SELENOI: variants seen among roughly 807,000 people sequenced by gnomAD.
SELENOI encodes selenoprotein I, also known as ethanolaminephosphotransferase 1.
A neutral mutation model predicts 50.7 loss-of-function variants in SELENOI; 24 were observed. The observed-to-expected ratio is 0.47, with a 90% CI of 0.34 to 0.67. SELENOI has a LOEUF of 0.67. SELENOI is among the 30% of genes least tolerant of loss of function. SELENOI has a pLI of 0.01. For missense variants in SELENOI, 352 were observed against 461.4 expected (o/e 0.76, Z 2.17); for synonymous variants, 155 against 170.2 (o/e 0.91, Z 0.70).
At chr2:26,385,233 AT>A in intron 8 of SELENOI, 94 bp downstream of exon 8, 1 of 738,758 alleles carries the variant, frequency 1.4e-6, no homozygotes, top group Non-Finnish European at 1.9e-6. Context: ...GAATAAACAG[AT>A]TTTAACTTAA....
intron 7 of SELENOI, 23 bp from the exon 8 acceptor site, chr2:26,384,936 T>C (rs1677807116): frequency 6.4e-7 from 1 of 1,554,382 alleles, no homozygotes; most frequent in Non-Finnish European, 8.8e-7. Context: ...ATGTTCTTTA[T>C]ATTACTTGAT....
intron 1 of SELENOI, among the ~76,000 whole-genome samples, chr2:26,357,394 C>CT (rs1558412038): frequency 6.6e-6 from 1 of 152,174 alleles, no homozygotes; most frequent in African/African-American, 2.4e-5. Flanking sequence ...TTGTTCTCTT[C>CT]TTTTTTGGGA....
rs1418254949 is a variant in SELENOI at position 26,369,916 on chromosome 2, G to C, written c.310+2696G>C. ...GGGTGTTTCTCACAGAGGGGGATTT[G>C]GCAGGGTCATAGAACAATAGTGGAG... On this transcript the variant is annotated intron_variant, in intron 4 of 9. Transcript: ENST00000260585. 3.3e-5 allele frequency among the ~76,000 whole-genome samples: 5 copies of C among 151,508 alleles called. No homozygotes were observed. The East Asian group carries it at 7.7e-4, about 23-fold the overall frequency.
rs1181023258 is a variant in SELENOI, at chr2:26,370,808, G to T, written c.311-2559G>T. ...CAGAGGGGCTCCTCACCTCCCGGAC[G>T]GGGCGGCTGGCCGGGCGGGGGGCTG... On this transcript the variant is annotated intron_variant, in intron 4 of 9. Transcript: ENST00000260585. 2.2e-5 allele frequency among the ~76,000 whole-genome samples: 3 copies of T among 137,450 alleles called. No homozygotes were observed. In the South Asian group the frequency reaches 7.0e-4, roughly 32 times the overall value. The allele number at this position is 137,450 out of a possible 152,430, so 90.2% of individuals were successfully genotyped here.
intron 1 of SELENOI, among the ~76,000 whole-genome samples, chr2:26,354,186 A>T (rs1677016819): frequency 6.6e-6 from 1 of 152,072 alleles, no homozygotes; most frequent in Non-Finnish European, 1.5e-5. Context: ...TCTGAGAAAG[A>T]GGTACTATTT....
chr2:26,367,018 T>G (rs1677298395), intron 3 of SELENOI, 128 bp from the exon 4 acceptor site: 1 of 754,944 alleles, frequency 1.3e-6, no homozygotes, highest in Non-Finnish European at 1.9e-6. Context: ...AATTCTGGAT[T>G]CAAAATATAT....
chr2:26,355,614 G>T (rs960446899), intron 1 of SELENOI, among the ~76,000 whole-genome samples: 1 of 151,526 alleles, frequency 6.6e-6, no homozygotes. Context: ...TAATTCTCCA[G>T]TCTCCTATTG....
rs556322392 is a variant in SELENOI at position 26,367,136 on chromosome 2, T to A, written c.236-10T>A. 6 of 1,604,980 alleles carry A rather than the reference T, an allele frequency of 3.7e-6. No homozygotes were observed. Among genetic ancestry groups the A allele is most frequent in the Non-Finnish European group, 3.4e-6 (4 of 1,175,396 alleles). On this transcript the variant is annotated splice_polypyrimidine_tract_variant and intron_variant, in intron 3 of 9. Coordinates refer to ENST00000260585, the MANE Select transcript of SELENOI (RefSeq NM_033505.4). ...AACTGTATTAAAATCTTAGTTGCTT[T>A]CCTTTTCAGCACCAGGTCACAAGCA...
chr2:26,352,933 T>A (rs774842344), intron 1 of SELENOI, among the ~76,000 whole-genome samples: 2 of 152,014 alleles, frequency 1.3e-5, no homozygotes, highest in Non-Finnish European at 2.9e-5. Flanking sequence ...GTGCTTGCCC[T>A]CTTTTTATTT....
chr2:26,371,501 A>C lies in SELENOI; in HGVS notation c.311-1866A>C, dbSNP rs552997318. Among the ~76,000 whole-genome samples, 3 of 152,312 alleles carry C rather than the reference A, an allele frequency of 2.0e-5. No individual in the cohort carries two copies. The South Asian group carries it at 6.2e-4, about 32-fold the overall frequency. On this transcript the variant is annotated intron_variant, in intron 4 of 9. Transcript: ENST00000260585. The stretch of plus-strand genomic sequence containing the variant: ...TGCAATCTTGGCACTTTGGGAGGCC[A>C]AGGCAGGCGGCTGGGAGGTGGAGGT...
chr2:26,350,489 G>T (rs1170140483), intron 1 of SELENOI, among the ~76,000 whole-genome samples: 1 of 152,084 alleles, frequency 6.6e-6, no homozygotes, highest in African/African-American at 2.4e-5. Flanking sequence ...AAAGTGCTGG[G>T]ATTATAGGCA....
At chr2:26,367,525 C>T (rs562927848) in intron 4 of SELENOI, among the ~76,000 whole-genome samples, 3 of 152,266 alleles carry the variant, frequency 2.0e-5, no homozygotes, top group South Asian at 2.1e-4. Context: ...TATATATTGT[C>T]TATGGCTGTT....
intron 1 of SELENOI, among the ~76,000 whole-genome samples, chr2:26,360,942 C>T (rs970648365): frequency 3.9e-5 from 6 of 152,122 alleles, no homozygotes; most frequent in Non-Finnish European, 5.9e-5. Flanking sequence ...CTGGCCGGCA[C>T]GGTGGCTTAC....
chr2:26,354,273 T>G (rs1456931138), intron 1 of SELENOI, among the ~76,000 whole-genome samples: 1 of 152,148 alleles, frequency 6.6e-6, no homozygotes, highest in Non-Finnish European at 1.5e-5. Context: ...GGAGCTGAGA[T>G]TTGAACTCAG....
intron 4 of SELENOI, among the ~76,000 whole-genome samples, chr2:26,370,488 C>T (rs1677394269): frequency 6.7e-6 from 1 of 149,574 alleles, no homozygotes; most frequent in African/African-American, 2.5e-5. Flanking sequence ...GGGCGGGGGG[C>T]TGACCCCCCC....
intron 4 of SELENOI, among the ~76,000 whole-genome samples, chr2:26,369,585 C>A (rs1033513970): frequency 6.6e-6 from 1 of 152,150 alleles, no homozygotes; most frequent in Non-Finnish European, 1.5e-5. Flanking sequence ...TGCATTTCAT[C>A]TCAGGCCTAC....
At position 26,386,922 on chromosome 2, in the gene SELENOI, G is replaced by A. The variant is rs188892172; in HGVS notation, c.1095+386G>A. Reference sequence around the variant, plus strand: ...CTTCACTTGCTTCTTTAGCTTTAGGGGCATTTTTATTGTTCATTAACAAAA... The same window carrying A: ...CTTCACTTGCTTCTTTAGCTTTAGGAGCATTTTTATTGTTCATTAACAAAA... On this transcript the variant is annotated intron_variant, in intron 9 of 9. Coordinates refer to ENST00000260585, the MANE Select transcript of SELENOI (RefSeq NM_033505.4). Among the ~76,000 whole-genome samples, 222 of 152,188 alleles carry A rather than the reference G, an allele frequency of 1.5e-3. 6 individuals are homozygous for A. The East Asian group carries it at 0.034, about 23-fold the overall frequency.
rs1426780561 is a variant in SELENOI at position 26,389,391 on chromosome 2, C to T, written c.*288C>T. ...TTCGTGAGTTTACAATGTTGTGATT[C>T]ATGCAGGGTTAAAGATGCTTTGTTT... On this transcript the variant is annotated 3_prime_UTR_variant, in exon 10 of 10. Transcript: ENST00000260585. The T allele has an allele frequency of 3.6e-6, 1 of 274,934 alleles. No homozygotes were observed. Among genetic ancestry groups the T allele is most frequent in the Admixed American group, 4.6e-5 (1 of 21,624 alleles). 17.0% of individuals were successfully genotyped at this position (274,934 alleles called of 1,614,324 possible). A position where few individuals can be genotyped will look rare whatever the true frequency, so the allele number is the denominator to read the frequency against.
intron 1 of SELENOI, among the ~76,000 whole-genome samples, chr2:26,357,727 G>A (rs1677093316): frequency 6.6e-6 from 1 of 152,116 alleles, no homozygotes; most frequent in African/African-American, 2.4e-5. Flanking sequence ...AATTCCCTTT[G>A]TAGTATTTAT....
Sources: gnomAD v4.1 joint callset for allele counts (sites outside exome capture counted in the v4.1 genomes callset) on GRCh38, gnomAD v4.1.1 for gene constraint, MANE v1.5 for transcripts, NCBI Gene and HGNC (gene_info 2026-07-23, HGNC 2026-07-21) for gene names.